PDZD8: variants seen among roughly 807,000 people sequenced by gnomAD.
PDZD8 encodes PDZ domain containing 8.
Under a neutral mutation model 85.8 loss-of-function variants are expected in PDZD8, and 14 were observed. The observed-to-expected ratio is 0.16, with a 90% confidence interval of 0.11 to 0.26. PDZD8 has a LOEUF of 0.26. PDZD8 is among the 10% of genes least tolerant of loss of function. PDZD8 has a pLI of 1.00. For synonymous variants in PDZD8, 592 were observed against 568.6 expected (o/e 1.04, Z -0.59); for missense variants, 1,197 against 1,424.3 (o/e 0.84, Z 2.57).
At chr10:117,365,527 TGA>T (rs1309192177) in intron 1 of PDZD8, among the ~76,000 whole-genome samples, 3 of 152,212 alleles carry the variant, frequency 2.0e-5, no homozygotes, top group East Asian at 3.8e-4. Context: ...ATTTTTAAAG[TGA>T]GTTTGTCGCT....
chr10:117,325,599 C>T lies in PDZD8; in HGVS notation c.996-6625G>A, dbSNP rs1012258182. On this transcript the variant is annotated intron_variant, in intron 2 of 4. Coordinates refer to ENST00000334464, the MANE Select transcript of PDZD8 (RefSeq NM_173791.5). ...TGTATGTTTAGCAGAGATGGGGTTC[C>T]GCCATATTGGCCAGGCTGGTTTCAA... Among the ~76,000 whole-genome samples, 3 of 151,572 alleles carry T rather than the reference C, an allele frequency of 2.0e-5. No homozygotes were observed. In the South Asian group the frequency reaches 6.3e-4, roughly 32 times the overall value.
intron 3 of PDZD8, among the ~76,000 whole-genome samples, chr10:117,305,513 C>T (rs1843926894): frequency 7.8e-6 from 1 of 128,206 alleles, no homozygotes; most frequent in African/African-American, 2.9e-5. Context: ...CACACACACA[C>T]ACATATATGG....
In PDZD8 at chr10:117,284,921, G is replaced by A. The variant is rs749815415; in HGVS notation, c.1812C>T (p.Ala604=). 6.2e-6 allele frequency: 10 copies of A among 1,614,006 alleles called. 1 individual carries two copies. Among genetic ancestry groups the A allele is most frequent in the Middle Eastern group, 1.6e-4 (1 of 6,082 alleles). ...CTGGTTCTGCCTGATTTGGAGCATC[G>A]GCGGAAGGCAAAGGAACTTTCGCTT... ...RPQAKVPLPS[A]DAPNQAEPDV... The change falls in exon 5 of 5, where the codon GCC becomes GCT. Residue 604 remains alanine, a synonymous_variant. Coordinates refer to ENST00000334464, the MANE Select transcript of PDZD8 (RefSeq NM_173791.5).
At chr10:117,351,505 A>G (rs1401646288) in intron 1 of PDZD8, among the ~76,000 whole-genome samples, 3 of 152,130 alleles carry the variant, frequency 2.0e-5, no homozygotes, top group African/African-American at 4.8e-5. Flanking sequence ...GGCAGAGGAG[A>G]GGAAGGTAGT....
chr10:117,316,540 G>A (rs374398974), intron 3 of PDZD8, among the ~76,000 whole-genome samples: 6 of 152,114 alleles, frequency 3.9e-5, no homozygotes, highest in African/African-American at 1.4e-4. Flanking sequence ...ATAAATAGAT[G>A]AGTGTAGTGG....
intron 1 of PDZD8, among the ~76,000 whole-genome samples, chr10:117,371,597 C>A (rs139347588): frequency 6.8e-4 from 104 of 152,246 alleles, no homozygotes; most frequent in African/African-American, 2.3e-3. Context: ...AAGCTAAAAC[C>A]GGCTTCCTGG....
chr10:117,374,353 C>A lies in PDZD8; in HGVS notation c.872+3G>T. ...CAGGCCCCCTCCCCGACCTCCAGCTCACCTGATCTTGTAATTCGGTAGGGT... is the reference window on the plus strand; with the variant it reads ...CAGGCCCCCTCCCCGACCTCCAGCTAACCTGATCTTGTAATTCGGTAGGGT... On this transcript the variant is annotated splice_donor_region_variant and intron_variant, in intron 1 of 4. Coordinates refer to ENST00000334464, the MANE Select transcript of PDZD8 (RefSeq NM_173791.5). The surrounding 1 kb of genome is among the most constrained non-coding windows in gnomAD (Gnocchi z 7.8). The A allele has an allele frequency of 1.2e-6, 2 of 1,613,008 alleles. No homozygotes were observed. The highest frequency in any genetic ancestry group is 2.2e-5 in the South Asian group (2 of 91,010).
chr10:117,311,962 T>C (rs1339622401), intron 3 of PDZD8, among the ~76,000 whole-genome samples: 2 of 151,808 alleles, frequency 1.3e-5, no homozygotes, highest in Admixed American at 6.6e-5. Flanking sequence ...GTCAGACACA[T>C]TGTCCAATGC....
chr10:117,349,991 T>C (rs1844775707), intron 1 of PDZD8, among the ~76,000 whole-genome samples: 1 of 152,140 alleles, frequency 6.6e-6, no homozygotes, highest in African/African-American at 2.4e-5. Flanking sequence ...GATAGCTATA[T>C]GACACTGTTT....
Position 117,281,648 on chromosome 10 carries a change from C to G in PDZD8, c.*1620G>C, listed in dbSNP as rs1306077164. On this transcript the variant is annotated 3_prime_UTR_variant, in exon 5 of 5. Transcript: ENST00000334464. ...AGTTATGCTATTGTTTCCCTCACAA[C>G]AATACTGTGAGGGAGGTAAAGTATT... 6.6e-6 allele frequency: 1 copy of G among 152,148 alleles called. No homozygotes were observed. Among genetic ancestry groups the G allele is most frequent in the Non-Finnish European group, 1.5e-5 (1 of 68,028 alleles). The allele number at this position is 152,148 out of a possible 1,614,324, so 9.4% of individuals were successfully genotyped here. A position where few individuals can be genotyped will look rare whatever the true frequency, so the allele number is the denominator to read the frequency against.
chr10:117,336,922 C>T (rs1844525288), intron 2 of PDZD8, among the ~76,000 whole-genome samples: 1 of 151,668 alleles, frequency 6.6e-6, no homozygotes, highest in Non-Finnish European at 1.5e-5. Context: ...ATATTGAAAT[C>T]CAGTGAGACC....
chr10:117,354,082 C>T (rs917884004), intron 1 of PDZD8, among the ~76,000 whole-genome samples: 16 of 152,180 alleles, frequency 1.1e-4, no homozygotes, highest in Admixed American at 3.3e-4. Flanking sequence ...CTTCTCACAA[C>T]CAATTAGTTC....
chr10:117,309,615 T>C (rs1442016265), intron 3 of PDZD8, among the ~76,000 whole-genome samples: 1 of 152,094 alleles, frequency 6.6e-6, no homozygotes, highest in Non-Finnish European at 1.5e-5. Flanking sequence ...CTATTTTCCA[T>C]TTCCATTGCC....
chr10:117,335,810 T>A (rs1184747780), intron 2 of PDZD8, among the ~76,000 whole-genome samples: 1 of 152,204 alleles, frequency 6.6e-6, no homozygotes, highest in Admixed American at 6.5e-5. Context: ...TTGTATTATG[T>A]TTTTTGTACT....
intron 2 of PDZD8, among the ~76,000 whole-genome samples, chr10:117,333,131 A>AAAAAAC (rs1564703036): frequency 3.3e-5 from 5 of 149,282 alleles, no homozygotes; most frequent in Admixed American, 3.3e-4. Flanking sequence ...AAAAAAAAAA[A>AAAAAAC]AAAAAAAAAA....
At chr10:117,298,055 T>C (rs994104483) in intron 3 of PDZD8, among the ~76,000 whole-genome samples, 3 of 152,142 alleles carry the variant, frequency 2.0e-5, no homozygotes, top group African/African-American at 7.2e-5. Context: ...GCAATATTTA[T>C]ATGGTTTTTT....
At position 117,285,140 on chromosome 10, in the gene PDZD8, A is replaced by G; in HGVS notation, c.1593T>C (p.Ile531=). ...CTGGTGATATAGCTCCAAGGGGTTTAATAGAAAGTGTTGTTGGAACACGTT... is the reference window on the plus strand; with the variant it reads ...CTGGTGATATAGCTCCAAGGGGTTTGATAGAAAGTGTTGTTGGAACACGTT... ...SPKRVPTTLS[I]KPLGAISPVL... is the part of the protein sequence containing the mutation. The change falls in exon 5 of 5, where the codon ATT becomes ATC. Residue 531 remains isoleucine, a synonymous_variant. Coordinates refer to ENST00000334464, the MANE Select transcript of PDZD8 (RefSeq NM_173791.5). 6.2e-7 allele frequency: 1 copy of G among 1,614,122 alleles called. No individual in the cohort carries two copies. Among genetic ancestry groups the G allele is most frequent in the Non-Finnish European group, 8.5e-7 (1 of 1,179,970 alleles).
chr10:117,311,762 AG>A (rs1844040384), intron 3 of PDZD8, among the ~76,000 whole-genome samples: 1 of 152,034 alleles, frequency 6.6e-6, no homozygotes, highest in Non-Finnish European at 1.5e-5. Flanking sequence ...ACCAAACAGG[AG>A]ACAGTGAGGA....
chr10:117,285,282 C>G lies in PDZD8; in HGVS notation c.1451G>C (p.Gly484Ala). The G allele has an allele frequency of 6.2e-7, 1 of 1,614,092 alleles. No homozygotes were observed. Residue 484 changes from glycine to alanine, a missense_variant, in exon 5 of 5, where the codon GGG becomes GCG. Physicochemically the swap from Gly to Ala is moderately conservative, Grantham distance 60 (BLOSUM62 0). Transcript: ENST00000334464. Reference sequence around the variant, plus strand: ...TCTACTTTCAGTATCTACTGTCAACCCGGCAGCTTCCTCTTCATAACCCGA... The same window carrying G: ...TCTACTTTCAGTATCTACTGTCAACGCGGCAGCTTCCTCTTCATAACCCGA... The part of the protein sequence containing the change: ...CQSGYEEEAA[G>A]LTVDTESREL...
Sources: allele counts gnomAD v4.1 joint callset (sites outside exome capture counted in the v4.1 genomes callset), GRCh38; gene constraint gnomAD v4.1.1; non-coding constraint Gnocchi (gnomAD v3.1); transcripts MANE v1.5; gene names NCBI Gene and HGNC (gene_info 2026-07-23, HGNC 2026-07-21).